ZNF804A: variants seen among roughly 807,000 people sequenced by gnomAD.
The protein encoded by ZNF804A is zinc finger protein 804A.
ZNF804A carries 2 observed loss-of-function variants against 16.5 expected under a neutral mutation model. The observed-to-expected ratio is 0.12, with a 90% CI of 0.05 to 0.38. The LOEUF (loss-of-function observed/expected upper bound fraction) is 0.38, where lower values mean the gene tolerates loss of function less well. Among genes scored for constraint, ZNF804A ranks in the 10% least tolerant of loss-of-function variants. ZNF804A has a pLI of 0.99. For missense variants in ZNF804A, 1,473 were observed against 1,390.7 expected, an observed-to-expected ratio of 1.06 and a Z score of -0.94; for synonymous variants, 534 against 489.6, an observed-to-expected ratio of 1.09 and a Z score of -1.20.
At chr2:184,660,924 T>TGTC (rs1397328200) in intron 1 of ZNF804A, among the ~76,000 whole-genome samples, 5 of 152,256 alleles carry the variant, frequency 3.3e-5, no homozygotes, top group Non-Finnish European at 7.3e-5. Flanking sequence ...CTATTCTCAT[T>TGTC]AATATTGAGT....
At chr2:184,866,331 G>A in intron 1 of ZNF804A, 38 bp from the exon 2 acceptor site, 1 of 1,605,174 alleles carries the variant, frequency 6.2e-7, no homozygotes, top group Non-Finnish European at 8.5e-7. Context: ...ACACAGGGGA[G>A]AGCTAATTGT....
chr2:184,896,486 C>T (rs1574261072), intron 2 of ZNF804A, among the ~76,000 whole-genome samples: 1 of 152,104 alleles, frequency 6.6e-6, no homozygotes, highest in East Asian at 1.9e-4. Context: ...TTTCATCCTG[C>T]CAAAAATTTT....
chr2:184,930,546 T>C (rs1409689999), intron 2 of ZNF804A, among the ~76,000 whole-genome samples: 2 of 152,164 alleles, frequency 1.3e-5, no homozygotes, highest in Non-Finnish European at 2.9e-5. Flanking sequence ...ATTTAAATAT[T>C]AGAGATCATT....
intron 1 of ZNF804A, among the ~76,000 whole-genome samples, chr2:184,623,330 T>G (rs1364791306): frequency 1.3e-5 from 2 of 152,082 alleles, no homozygotes; most frequent in Non-Finnish European, 2.9e-5. Context: ...TTGCATGAAG[T>G]AAAAAACAAA....
intron 1 of ZNF804A, among the ~76,000 whole-genome samples, chr2:184,852,245 C>CTCTT (rs1275417943): frequency 6.6e-6 from 1 of 151,176 alleles, no homozygotes; most frequent in African/African-American, 2.4e-5. Context: ...CTCTCTCTCT[C>CTCTT]TCTCTCTCTC....
chr2:184,745,804 T>A (rs976611187), intron 1 of ZNF804A, among the ~76,000 whole-genome samples: 3 of 151,644 alleles, frequency 2.0e-5, no homozygotes, highest in Non-Finnish European at 4.4e-5. Context: ...TGCCCTAGCA[T>A]AATGCTTAAG....
intron 1 of ZNF804A, among the ~76,000 whole-genome samples, chr2:184,678,764 C>T (rs1371058592): frequency 6.6e-6 from 1 of 152,118 alleles, no homozygotes; most frequent in African/African-American, 2.4e-5. Context: ...CTAATGGGTG[C>T]TGAATGCTAC....
chr2:184,880,362 G>C (rs1453139514), intron 2 of ZNF804A, among the ~76,000 whole-genome samples: 1 of 151,878 alleles, frequency 6.6e-6, no homozygotes, highest in Non-Finnish European at 1.5e-5. Context: ...ACTTCCATAA[G>C]GTGCTGTAAC....
At chr2:184,652,677 A>G (rs932381917) in intron 1 of ZNF804A, among the ~76,000 whole-genome samples, 2 of 152,040 alleles carry the variant, frequency 1.3e-5, no homozygotes, top group African/African-American at 2.4e-5. Context: ...CCTTCATTCA[A>G]TGTAAATCTA....
intron 1 of ZNF804A, among the ~76,000 whole-genome samples, chr2:184,789,162 A>C (rs1694493560): frequency 6.6e-6 from 1 of 151,928 alleles, no homozygotes; most frequent in South Asian, 2.1e-4. Context: ...GAATAGTGAA[A>C]CATCTTTGCA....
intron 1 of ZNF804A, among the ~76,000 whole-genome samples, chr2:184,865,059 T>C (rs1477138179): frequency 6.6e-6 from 1 of 151,876 alleles, no homozygotes; most frequent in Non-Finnish European, 1.5e-5. Flanking sequence ...TTTATATTTT[T>C]AGTAGAGACA....
chr2:184,668,235 A>C (rs574608488), intron 1 of ZNF804A, among the ~76,000 whole-genome samples: 1 of 152,040 alleles, frequency 6.6e-6, no homozygotes, highest in South Asian at 2.1e-4. Flanking sequence ...ATGTGGCATG[A>C]TTCAATAAAA....
chr2:184,873,238 A>G (rs116060158), intron 2 of ZNF804A, among the ~76,000 whole-genome samples: 1 of 152,344 alleles, frequency 6.6e-6, no homozygotes, highest in Non-Finnish European at 1.5e-5. Context: ...CTGTAATCCC[A>G]GCACTTTTGA....
chr2:184,661,763 G>A (rs1382430246), intron 1 of ZNF804A, among the ~76,000 whole-genome samples: 6 of 152,146 alleles, frequency 3.9e-5, no homozygotes, highest in Admixed American at 3.3e-4. Context: ...GGTTTCACCA[G>A]GGACCAGTCC....
chr2:184,733,698 A>G (rs35328100), intron 1 of ZNF804A, among the ~76,000 whole-genome samples: 21,683 of 152,132 alleles, frequency 0.14, 1,684 homozygotes, highest in Middle Eastern at 0.24. Flanking sequence ...AATTTATTTA[A>G]TAGATGGAAG....
chr2:184,738,013 C>G (rs960574799), intron 1 of ZNF804A, among the ~76,000 whole-genome samples: 5 of 149,934 alleles, frequency 3.3e-5, no homozygotes, highest in African/African-American at 1.2e-4. Flanking sequence ...GTAATCCCAG[C>G]TACTTGGGAG....
chr2:184,696,265 G>A (rs1284574011), intron 1 of ZNF804A, among the ~76,000 whole-genome samples: 1 of 152,102 alleles, frequency 6.6e-6, no homozygotes, highest in Non-Finnish European at 1.5e-5. Context: ...AAGACCAATT[G>A]CATTATGTGT....
At chr2:184,868,974 T>C (rs1336292381) in intron 2 of ZNF804A, among the ~76,000 whole-genome samples, 1 of 152,070 alleles carries the variant, frequency 6.6e-6, no homozygotes, top group East Asian at 1.9e-4. Context: ...TGAGTATATC[T>C]AATCTGGAAA....
intron 1 of ZNF804A, among the ~76,000 whole-genome samples, chr2:184,663,509 G>A (rs1692211340): frequency 6.6e-6 from 1 of 152,098 alleles, no homozygotes; most frequent in South Asian, 2.1e-4. Context: ...CAACCTGGGA[G>A]CCATGGATGA....
Sources: allele counts gnomAD v4.1 joint callset (sites outside exome capture counted in the v4.1 genomes callset), GRCh38; gene constraint gnomAD v4.1.1; transcripts MANE v1.5; gene names NCBI Gene and HGNC (gene_info 2026-07-23, HGNC 2026-07-21).